The following SYNPR variants were observed in gnomAD, a reference collection of about 807,000 sequenced individuals.
The protein encoded by SYNPR is synaptoporin.
SYNPR carries 23 observed loss-of-function variants against 32.9 expected under a neutral mutation model. That is an observed-to-expected ratio of 0.70 (90% CI 0.50 to 0.99). SYNPR has a LOEUF of 0.99. Ranked by LOEUF, SYNPR falls within the 50% of genes least tolerant of loss-of-function variation. The pLI, the probability that SYNPR is intolerant of heterozygous loss-of-function variation, is 0.00. For missense variants in SYNPR, 318 were observed against 349.3 expected (o/e 0.91, Z 0.71); for synonymous variants, 146 against 135.9 (o/e 1.07, Z -0.52).
At chr3:63,347,581 T>C (rs1280248098) in intron 2 of SYNPR, among the ~76,000 whole-genome samples, 3 of 152,228 alleles carry the variant, frequency 2.0e-5, no homozygotes, top group Non-Finnish European at 2.9e-5. Flanking sequence ...AACCATTACC[T>C]GGATAGTGTA....
chr3:63,331,502 T>A (rs994319317), intron 2 of SYNPR, among the ~76,000 whole-genome samples: 11 of 151,988 alleles, frequency 7.2e-5, no homozygotes, highest in African/African-American at 2.7e-4. Context: ...AAAGGAAGAG[T>A]AGTAATATAC....
At chr3:63,528,545 A>G (rs1702057451) in intron 3 of SYNPR, among the ~76,000 whole-genome samples, 1 of 152,190 alleles carries the variant, frequency 6.6e-6, no homozygotes, top group Non-Finnish European at 1.5e-5. Context: ...GCCTAAAAAA[A>G]CCACTAGGTT....
At chr3:63,575,916 A>T (rs747806751) in intron 4 of SYNPR, among the ~76,000 whole-genome samples, 3 of 152,106 alleles carry the variant, frequency 2.0e-5, no homozygotes, top group African/African-American at 4.8e-5. Flanking sequence ...AACTAAACCA[A>T]CTGTTTATAA....
the SYNPR span, among the ~76,000 whole-genome samples, chr3:63,201,658 T>C: frequency 3.9e-5 from 6 of 152,140 alleles, no homozygotes; most frequent in African/African-American, 1.4e-4. Flanking sequence ...CCAAGGGAGA[T>C]ATTTTTCAGA....
At chr3:63,328,040 T>C (rs2087186406) in intron 2 of SYNPR, among the ~76,000 whole-genome samples, 2 of 152,226 alleles carry the variant, frequency 1.3e-5, no homozygotes, top group Admixed American at 1.3e-4. Flanking sequence ...ATTATTTAAA[T>C]GAGGAATGCC....
chr3:63,308,929 A>G (rs1190605599), intron 2 of SYNPR, among the ~76,000 whole-genome samples: 1 of 151,772 alleles, frequency 6.6e-6, no homozygotes, highest in Non-Finnish European at 1.5e-5. Context: ...TTTGATCATT[A>G]TTTTCCGAAT....
intron 2 of SYNPR, among the ~76,000 whole-genome samples, chr3:63,375,139 T>G (rs1002771128): frequency 4.6e-5 from 7 of 152,132 alleles, no homozygotes; most frequent in Admixed American, 1.3e-4. Flanking sequence ...TAAATTAGTT[T>G]AACCATTGTG....
intron 2 of SYNPR, among the ~76,000 whole-genome samples, chr3:63,476,333 G>GGAA (rs1700920193): frequency 7.4e-6 from 1 of 135,390 alleles, no homozygotes; most frequent in Admixed American, 7.3e-5. Flanking sequence ...AGGGAAGGAA[G>GGAA]GGAAGGAAGG....
intron 2 of SYNPR, among the ~76,000 whole-genome samples, chr3:63,260,616 C>T (rs1249495239): frequency 1.3e-5 from 2 of 152,126 alleles, no homozygotes; most frequent in Non-Finnish European, 2.9e-5. Context: ...ACCATAAAAA[C>T]CCTAGAAGAA....
chr3:63,435,946 A>T (rs1025514402), intron 2 of SYNPR, among the ~76,000 whole-genome samples: 11 of 152,126 alleles, frequency 7.2e-5, no homozygotes, highest in Non-Finnish European at 1.2e-4. Flanking sequence ...TTGCACAGTA[A>T]CTCAGAAAGA....
intron 3 of SYNPR, among the ~76,000 whole-genome samples, chr3:63,517,207 G>A (rs939730572): frequency 6.6e-6 from 1 of 151,996 alleles, no homozygotes; most frequent in African/African-American, 2.4e-5. Flanking sequence ...CATAGCATAG[G>A]GGTTCTAAGC....
At chr3:63,494,550 C>A (rs1193386058) in intron 3 of SYNPR, among the ~76,000 whole-genome samples, 1 of 147,666 alleles carries the variant, frequency 6.8e-6, no homozygotes, top group Non-Finnish European at 1.5e-5. Flanking sequence ...AGATCATCAT[C>A]ATCATCGTTG....
chr3:63,271,230 T>C (rs2086533818), intron 3 of SYNPR, among the ~76,000 whole-genome samples: 1 of 152,152 alleles, frequency 6.6e-6, no homozygotes. Context: ...GTCTTCTCTG[T>C]GTGTGGGTGG....
chr3:63,387,140 C>T (rs1403096453), intron 2 of SYNPR, among the ~76,000 whole-genome samples: 1 of 152,208 alleles, frequency 6.6e-6, no homozygotes, highest in Non-Finnish European at 1.5e-5. Context: ...ACATAATGAT[C>T]TAGCTTGATC....
intron 4 of SYNPR, among the ~76,000 whole-genome samples, chr3:63,601,041 G>T (rs888354691): frequency 6.6e-6 from 1 of 152,298 alleles, no homozygotes; most frequent in African/African-American, 2.4e-5. Context: ...GGGAGGCCGA[G>T]GTGGGCAGAT....
chr3:63,389,635 C>G (rs1244369048), intron 2 of SYNPR, among the ~76,000 whole-genome samples: 1 of 152,196 alleles, frequency 6.6e-6, no homozygotes, highest in African/African-American at 2.4e-5. Flanking sequence ...CCATCAGCCC[C>G]TTTGTAACCA....
rs3082128 is a variant in SYNPR at position 63,335,766 on chromosome 3, C to CTTTTTT, written c.84+57043_84+57048dup. ...ACACACTCAAGTCCATATTAGCTTC[C>CTTTTTT]TTTTTTTTTTTTTTTTTTTTTTTTG... is the stretch of plus-strand genomic sequence containing the variant. On this transcript the variant is annotated intron_variant, in intron 2 of 5. Coordinates refer to ENST00000478300, the MANE Select transcript of SYNPR (RefSeq NM_001130003.2). Among the ~76,000 whole-genome samples the CTTTTTT allele has an allele frequency of 4.3e-3, 394 of 91,394 alleles. 32 individuals are homozygous for CTTTTTT. Among genetic ancestry groups the CTTTTTT allele is most frequent in the African/African-American group, 0.015 (303 of 20,446 alleles). The allele number at this position is 91,394 out of a possible 152,430, so 60.0% of individuals were successfully genotyped here. A position where few individuals can be genotyped will look rare whatever the true frequency, so the allele number is the denominator to read the frequency against.
At chr3:63,226,631 A>C (rs189134317), upstream of SYNPR, among the ~76,000 whole-genome samples, 105 of 152,314 alleles carry the variant, frequency 6.9e-4, no homozygotes, top group African/African-American at 2.4e-3. Flanking sequence ...GTTCTCACTC[A>C]TATGTGGGAG....
chr3:63,322,325 T>C (rs1462735496), intron 2 of SYNPR, among the ~76,000 whole-genome samples: 1 of 152,054 alleles, frequency 6.6e-6, no homozygotes, highest in East Asian at 1.9e-4. Context: ...CTAGGTACTG[T>C]GCTAGGCACT....
Sources: allele counts gnomAD v4.1 joint callset (sites outside exome capture counted in the v4.1 genomes callset), GRCh38; gene constraint gnomAD v4.1.1; transcripts MANE v1.5; gene names NCBI Gene and HGNC (gene_info 2026-07-23, HGNC 2026-07-21).